Variants in USP16 observed in about 807,000 individuals in gnomAD.
USP16 encodes the protein ubiquitin carboxyl-terminal hydrolase 16.
In USP16, 77 loss-of-function variants were observed where a neutral mutation model predicts 95.9. That is an observed-to-expected ratio of 0.80 (90% CI 0.67 to 0.97). The LOEUF (loss-of-function observed/expected upper bound fraction) is 0.97, where lower values mean the gene tolerates loss of function less well. USP16 is among the 50% of genes least tolerant of loss of function. USP16 has a pLI of 0.00. For missense variants in USP16, 943 were observed against 959.9 expected, an observed-to-expected ratio of 0.98 and a Z score of 0.23; for synonymous variants, 303 against 318.2, an observed-to-expected ratio of 0.95 and a Z score of 0.51.
At chr21:29,028,038 A>T (rs1470511016) in intron 2 of USP16, 64 bp downstream of exon 2, 2 of 1,275,128 alleles carry the variant, frequency 1.6e-6, no homozygotes, top group African/African-American at 3.0e-5. Flanking sequence ...TAAAATGTAA[A>T]AATGGTATAA....
chr21:29,038,482 T>C (rs1410569520), intron 7 of USP16, 52 bp downstream of exon 7: 1 of 1,303,072 alleles, frequency 7.7e-7, no homozygotes, highest in Non-Finnish European at 1.1e-6. Flanking sequence ...GAATGTGTGT[T>C]TTCTAAATTA....
At chr21:29,025,827 G>A (rs1568879030) in intron 1 of USP16, 1 of 639,062 alleles carries the variant, frequency 1.6e-6, no homozygotes. Context: ...GACCTGCTAT[G>A]TACTAACATT....
intron 3 of USP16, 84 bp downstream of exon 3, chr21:29,030,857 T>C (rs560844006): frequency 2.1e-6 from 3 of 1,439,498 alleles, no homozygotes; most frequent in South Asian, 1.4e-5. Context: ...AAGTACAGTA[T>C]GGATAAAAGG....
At chr21:29,046,089 G>T (rs2085319050) in intron 13 of USP16, among the ~76,000 whole-genome samples, 1 of 152,290 alleles carries the variant, frequency 6.6e-6, no homozygotes, top group Non-Finnish European at 1.5e-5. Flanking sequence ...CTCCCAAAGT[G>T]CTGGGGTTAC....
At chr21:29,028,078 T>G in intron 2 of USP16, 104 bp downstream of exon 2, 1 of 853,122 alleles carries the variant, frequency 1.2e-6, no homozygotes, top group East Asian at 2.7e-5. Flanking sequence ...ATTATCTGCA[T>G]TTTAATATAA....
At position 29,035,061 on chromosome 21, in the gene USP16, A is replaced by G. The variant is rs943205945; in HGVS notation, c.344+121A>G. Reference sequence around the variant, plus strand: ...TTTTTGTAGTATGTTTTAAAATACCATCACTTTCACAAAGCTAAAGAATGC... The same window carrying G: ...TTTTTGTAGTATGTTTTAAAATACCGTCACTTTCACAAAGCTAAAGAATGC... On this transcript the variant is annotated intron_variant, in intron 4 of 17. Transcript: ENST00000399976. The G allele has an allele frequency of 1.2e-5, 11 of 881,696 alleles. No individual in the cohort carries two copies. The African/African-American group carries it at 1.9e-4, about 15-fold the overall frequency. 54.6% of individuals were successfully genotyped at this position (881,696 alleles called of 1,614,324 possible). A position where few individuals can be genotyped will look rare whatever the true frequency, so the allele number is the denominator to read the frequency against.
chr21:29,051,021 A>C lies in USP16; in HGVS notation c.2193+843A>C, dbSNP rs752514513. ...GGGCAGGAGATGGGGAGATAGAAGG[A>C]ATATTTCAGGAGGTAGAATTAACCA... On this transcript the variant is annotated intron_variant, in intron 16 of 17. Transcript: ENST00000399976. 1.4e-4 allele frequency among the ~76,000 whole-genome samples: 21 copies of C among 152,126 alleles called. 1 individual carries two copies. The highest frequency in any genetic ancestry group is 1.3e-4 in the Non-Finnish European group (9 of 68,014).
intron 6 of USP16, 25 bp from the exon 7 acceptor site, chr21:29,038,310 C>CT (rs200929235): frequency 9.7e-4 from 1,439 of 1,485,932 alleles, no homozygotes; most frequent in South Asian, 1.5e-3. Flanking sequence ...TAATTTTTCT[C>CT]TTTTTTTTTC....
chr21:29,052,150 C>G (rs990807972), intron 16 of USP16: 1 of 152,032 alleles, frequency 6.6e-6, no homozygotes. Context: ...AGTATGGGAT[C>G]AAAAATTCTG....
chr21:29,041,136 A>C (rs2085237758), intron 10 of USP16, among the ~76,000 whole-genome samples: 1 of 152,176 alleles, frequency 6.6e-6, no homozygotes, highest in Non-Finnish European at 1.5e-5. Flanking sequence ...TGGCGCCTGA[A>C]ATGTGACTGG....
intron 1 of USP16, chr21:29,025,801 A>C (rs2084978021): frequency 1.1e-6 from 1 of 898,668 alleles, no homozygotes; most frequent in Non-Finnish European, 1.3e-6. Context: ...TTTCAATGCA[A>C]GAAGTATTTC....
chr21:29,038,262 A>T (rs2085191583), intron 6 of USP16, 73 bp from the exon 7 acceptor site: 1 of 954,366 alleles, frequency 1.0e-6, no homozygotes, highest in Non-Finnish European at 1.6e-6. Flanking sequence ...TTGATAGAAT[A>T]GACACTTAAG....
intron 7 of USP16, 25 bp from the exon 8 acceptor site, chr21:29,039,001 A>G: frequency 6.8e-7 from 1 of 1,476,124 alleles, no homozygotes; most frequent in Non-Finnish European, 9.0e-7. Context: ...TGACTGAAGA[A>G]AGTAATTTCT....
At position 29,030,637 on chromosome 21, in the gene USP16, A is replaced by C; in HGVS notation, c.104A>C (p.Asn35Thr). 1 of 1,613,450 alleles carries C rather than the reference A, an allele frequency of 6.2e-7. No individual in the cohort carries two copies. The highest frequency in any genetic ancestry group is 2.2e-5 in the East Asian group (1 of 44,836). The change falls in exon 3 of 18, where the codon AAT (asparagine) becomes ACT (threonine). Residue 35 changes from asparagine (N) to threonine (T), a missense_variant. Physicochemically the swap from Asn to Thr is moderately conservative, Grantham distance 65. Transcript: ENST00000399976. ...RHIRKGLEQG[N>T]LKKALVNVEW... is the part of the protein sequence containing the mutation. The stretch of plus-strand genomic sequence containing the variant: ...ATTAGAAAAGGATTGGAACAAGGTA[A>C]TTTGAAAAAGGCTTTAGTGAATGTG...
chr21:29,029,407 C>T (rs62222369), intron 2 of USP16, among the ~76,000 whole-genome samples: 8,562 of 151,962 alleles, frequency 0.056, 349 homozygotes, highest in Middle Eastern at 0.11. Flanking sequence ...AGCAAGACTC[C>T]GTCTCAAAAA....
chr21:29,042,594 C>G, intron 12 of USP16, 66 bp downstream of exon 12: 1 of 1,414,434 alleles, frequency 7.1e-7, no homozygotes, highest in South Asian at 1.3e-5. Context: ...TGGGGGGAAG[C>G]CTTGTTACTC....
intron 1 of USP16, chr21:29,025,035 G>A: frequency 3.4e-6 from 1 of 295,034 alleles, no homozygotes; most frequent in South Asian, 3.1e-5. Flanking sequence ...GGAGCAGTTA[G>A]AAGGGGAGGA....
Position 29,030,638 on chromosome 21 carries a change from T to C in USP16, c.105T>C (p.Asn35=). 5 of 1,613,346 alleles carry C rather than the reference T, an allele frequency of 3.1e-6. No homozygotes were observed. The highest frequency in any genetic ancestry group is 4.5e-5 in the East Asian group (2 of 44,830). Residue 35 remains asparagine, a synonymous_variant, in exon 3 of 18, where the codon AAT becomes AAC. Coordinates refer to ENST00000399976, the MANE Select transcript of USP16 (RefSeq NM_006447.3). ...TTAGAAAAGGATTGGAACAAGGTAA[T>C]TTGAAAAAGGCTTTAGTGAATGTGG... The part of the protein sequence containing the change: ...RHIRKGLEQG[N]LKKALVNVEW...
At chr21:29,049,942 A>T (rs1029438058) in intron 15 of USP16, 150 bp from the exon 16 acceptor site, 2 of 655,710 alleles carry the variant, frequency 3.1e-6, no homozygotes, top group Non-Finnish European at 5.1e-6. Flanking sequence ...ACTTGGAATC[A>T]GTTAGTGTTC....
Sources: allele counts gnomAD v4.1 joint callset (sites outside exome capture counted in the v4.1 genomes callset), GRCh38; gene constraint gnomAD v4.1.1; transcripts MANE v1.5; gene names NCBI Gene and HGNC (gene_info 2026-07-23, HGNC 2026-07-21).